Variants in KRT13 observed in about 807,000 individuals in gnomAD.
KRT13 encodes keratin, type I cytoskeletal 13.
Under a neutral mutation model 40.6 loss-of-function variants are expected in KRT13, and 27 were observed. That is an observed-to-expected ratio of 0.67 (90% CI 0.49 to 0.92). The LOEUF is 0.92. Among genes scored for constraint, KRT13 ranks in the 40% least tolerant of loss-of-function variants. The pLI is 0.00. For synonymous variants in KRT13, 266 were observed against 240.3 expected (o/e 1.11, Z -0.99); for missense variants, 605 against 611.5 (o/e 0.99, Z 0.11).
At chr17:41,503,838 C>A in intron 1 of KRT13, 113 bp from the exon 2 acceptor site, 1 of 783,478 alleles carries the variant, frequency 1.3e-6, no homozygotes, top group South Asian at 1.4e-5. Context: ...TACGCTAACA[C>A]TAACGATAGC....
chr17:41,502,017 G>C (rs555359627), intron 6 of KRT13: 1 of 1,416,570 alleles, frequency 7.1e-7, no homozygotes, highest in Non-Finnish European at 9.2e-7. Context: ...GCCCAAACCC[G>C]CAACCCTCCA....
rs756069072 is a variant in KRT13 at position 41,505,530 on chromosome 17, G to A, written c.21C>T (p.Ser7=). The A allele has an allele frequency of 4.3e-6, 7 of 1,614,268 alleles. No individual in the cohort carries two copies. In the East Asian group the frequency reaches 6.7e-5, roughly 15 times the overall value. ...AACCACCTCCATAGCTGGCAGAGGA[G>A]CTCTGCAGGCGGAGGCTCATGGTGA... MSLRLQ[S]SSASYGGGFG... is the part of the protein sequence containing the mutation. Residue 7 remains serine, a synonymous_variant, in exon 1 of 8, where the codon AGC becomes AGT. Coordinates refer to ENST00000246635, the MANE Select transcript of KRT13 (RefSeq NM_153490.3).
At chr17:41,501,542 A>G in intron 7 of KRT13, 177 bp downstream of exon 7, 1 of 1,205,986 alleles carries the variant, frequency 8.3e-7, no homozygotes, top group Non-Finnish European at 1.2e-6. Flanking sequence ...GGGCAGAGCC[A>G]TCAGTTTCAA....
At chr17:41,503,532 TA>T in intron 2 of KRT13, 89 bp from the exon 3 acceptor site, 1 of 1,543,424 alleles carries the variant, frequency 6.5e-7, no homozygotes, top group African/African-American at 1.4e-5. Flanking sequence ...GAGACTCCAG[TA>T]CTTCCAGACC....
chr17:41,502,987 C>A lies in KRT13; in HGVS notation c.847G>T (p.Ala283Ser). ...TCCCGGCGGTTCCTCTCTGCCATGG[C>A]CTCGTACTGCTCCCTCATCTCTGCC... ...VLAEMREQYE[A>S]MAERNRRDAE... is the part of the protein sequence containing the mutation. Residue 283 changes from alanine to serine, a missense_variant, in exon 4 of 8, where the codon GCC (alanine) becomes TCC (serine). Transcript: ENST00000246635. 1 of 1,614,224 alleles carries A rather than the reference C, an allele frequency of 6.2e-7. No individual in the cohort carries two copies. The highest frequency in any genetic ancestry group is 1.3e-5 in the African/African-American group (1 of 75,046).
intron 6 of KRT13, 69 bp from the exon 7 acceptor site, chr17:41,501,813 G>C: frequency 6.4e-7 from 1 of 1,561,438 alleles, no homozygotes; most frequent in Non-Finnish European, 8.7e-7. Flanking sequence ...TGTTCCTCTG[G>C]GGAAGTGCCT....
Position 41,502,383 on chromosome 17 carries a change from T to G in KRT13, c.1235A>C (p.Gln412Pro). 6.2e-7 allele frequency: 1 copy of G among 1,614,220 alleles called. No homozygotes were observed. Residue 412 changes from glutamine (Q) to proline (P), a missense_variant, in exon 6 of 8, where the codon CAG (glutamine) becomes CCG (proline). Coordinates refer to ENST00000246635, the MANE Select transcript of KRT13 (RefSeq NM_153490.3). ...GCTGGAGAGGACCTACTTGGCGTCC[T>G]GGCCCTCGAGCAGGCTGCGGTAGGT... is the stretch of plus-strand genomic sequence containing the variant. ...IATYRSLLEG[Q>P]DAKMIGFPSS...
chr17:41,503,273 C>T lies in KRT13; in HGVS notation c.735+14G>A, dbSNP rs1904933188. 3 of 1,614,040 alleles carry T rather than the reference C, an allele frequency of 1.9e-6. No individual in the cohort carries two copies. Among genetic ancestry groups the T allele is most frequent in the Admixed American group, 1.7e-5 (1 of 60,026 alleles). On this transcript the variant is annotated intron_variant, in intron 3 of 7. Transcript: ENST00000246635. The stretch of plus-strand genomic sequence containing the variant: ...AGGTTGTTGAGCCCAGGGCAGCCTG[C>T]AATTCCCGCTCACCTCTTCATGGTT...
chr17:41,502,262 A>T (rs902007287), intron 6 of KRT13, 112 bp downstream of exon 6: 2 of 1,607,718 alleles, frequency 1.2e-6, no homozygotes, highest in Non-Finnish European at 1.7e-6. Flanking sequence ...AAAGTCAGAC[A>T]GTGAGGGGTC....
Position 41,503,633 on chromosome 17 carries a change from A to G in KRT13, c.578+10T>C, listed in dbSNP as rs758378900. 3 of 1,613,082 alleles carry G rather than the reference A, an allele frequency of 1.9e-6. No homozygotes were observed. Among genetic ancestry groups the G allele is most frequent in the Middle Eastern group, 1.7e-4 (1 of 6,060 alleles). ...GGGAAAGGAGAGGGAGGGGGAAAAA[A>G]AAAACTCACTTGAGCCTGAAGTCGT... On this transcript the variant is annotated intron_variant, in intron 2 of 7. Transcript: ENST00000246635.
Position 41,502,609 on chromosome 17 carries a change from G to C in KRT13, c.1024-15C>G, listed in dbSNP as rs1204261857. On this transcript the variant is annotated splice_polypyrimidine_tract_variant and intron_variant, in intron 5 of 7. Transcript: ENST00000246635. ...AGCCCCGCTTTCTGGTGGAGCGACA[G>C]ACAAGAAGTTACAGAGGGAGCCAGG... is the stretch of plus-strand genomic sequence containing the variant. 3 of 1,613,190 alleles carry C rather than the reference G, an allele frequency of 1.9e-6. No homozygotes were observed. Among genetic ancestry groups the C allele is most frequent in the Non-Finnish European group, 2.5e-6 (3 of 1,180,034 alleles).
At position 41,505,291 on chromosome 17, in the gene KRT13, C is replaced by T; in HGVS notation, c.260G>A (p.Gly87Asp). ...ACAAGCACCAAAGTCAACAAAGCCA[C>T]CAGCAAAACCCCCACCAAAGCCACC... ...LGGGFGGGFA[G>D]GFVDFGACDG... Residue 87 changes from glycine (G) to aspartate (D), a missense_variant, in exon 1 of 8, where the codon GGT becomes GAT. Physicochemically the swap from Gly to Asp is moderately conservative, Grantham distance 94 (BLOSUM62 -1). Coordinates refer to ENST00000246635, the MANE Select transcript of KRT13 (RefSeq NM_153490.3). The T allele has an allele frequency of 6.2e-7, 1 of 1,614,170 alleles. No individual in the cohort carries two copies. Among genetic ancestry groups the T allele is most frequent in the South Asian group, 1.1e-5 (1 of 91,088 alleles).
In KRT13 at chr17:41,502,576, T is replaced by C; in HGVS notation, c.1042A>G (p.Thr348Ala). The C allele has an allele frequency of 6.2e-7, 1 of 1,613,710 alleles. No homozygotes were observed. The highest frequency in any genetic ancestry group is 1.3e-5 in the African/African-American group (1 of 75,056). ...QLSMKAGLEN[T>A]VAETECRYAL... ...TAGCGGCACTCCGTCTCTGCCACCGTGTTCTCCAGCCCCGCTTTCTGGTGG... is the reference window on the plus strand; with the variant it reads ...TAGCGGCACTCCGTCTCTGCCACCGCGTTCTCCAGCCCCGCTTTCTGGTGG... Residue 348 changes from threonine to alanine, a missense_variant, in exon 6 of 8, where the codon ACG becomes GCG. Thr to Ala is a moderately conservative substitution (Grantham distance 58). Coordinates refer to ENST00000246635, the MANE Select transcript of KRT13 (RefSeq NM_153490.3).
chr17:41,501,678 C>A, intron 7 of KRT13, 41 bp downstream of exon 7: 1 of 1,560,800 alleles, frequency 6.4e-7, no homozygotes, highest in Non-Finnish European at 8.7e-7. Context: ...GAATGGGAGG[C>A]TAACTCTGCC....
Position 41,504,959 on chromosome 17 carries a change from A to G in KRT13, c.495+97T>C, listed in dbSNP as rs957365147. On this transcript the variant is annotated intron_variant, in intron 1 of 7. Transcript: ENST00000246635. ...GCTTTTCCCCTGCAAGAAGTTTGTG[A>G]ATTCCGTCCACACCTAGTCCCCCAC... 5 of 1,434,072 alleles carry G rather than the reference A, an allele frequency of 3.5e-6. No individual in the cohort carries two copies. In the African/African-American group the frequency reaches 7.1e-5, roughly 20 times the overall value. 88.8% of individuals were successfully genotyped at this position (1,434,072 alleles called of 1,614,324 possible). A position where few individuals can be genotyped will look rare whatever the true frequency, so the allele number is the denominator to read the frequency against.
At chr17:41,503,469 T>C in intron 2 of KRT13, 26 bp from the exon 3 acceptor site, 1 of 1,613,566 alleles carries the variant, frequency 6.2e-7, no homozygotes, top group Non-Finnish European at 8.5e-7. Context: ...AATGAAATGT[T>C]TTTTGAAAAA....
In KRT13 at chr17:41,503,675, A is replaced by G; in HGVS notation, c.546T>C (p.Asn182=). 1 of 1,614,052 alleles carries G rather than the reference A, an allele frequency of 6.2e-7. No individual in the cohort carries two copies. The change falls in exon 2 of 8, where the codon AAT becomes AAC. Residue 182 remains asparagine, a synonymous_variant. Transcript: ENST00000246635. The stretch of plus-strand genomic sequence containing the variant: ...TGAAGTCGTCCGCAGCCAGCCTGGC[A>G]TTGTCAATCTCCAGGATGACCCGGT... ...ENNRVILEID[N]ARLAADDFRL...
rs1904865219 is a variant in KRT13 at position 41,501,894 on chromosome 17, C to A, written c.1245-150G>T. Reference sequence around the variant, plus strand: ...GCTGTGCCCCCAGCTCAAGGGACAGCAGCATCAGGTGCCCACTGGGACTGT... The same window carrying A: ...GCTGTGCCCCCAGCTCAAGGGACAGAAGCATCAGGTGCCCACTGGGACTGT... On this transcript the variant is annotated intron_variant, in intron 6 of 7. Coordinates refer to ENST00000246635, the MANE Select transcript of KRT13 (RefSeq NM_153490.3). The A allele has an allele frequency of 7.2e-6, 11 of 1,522,708 alleles. No individual in the cohort carries two copies. In the South Asian group the frequency reaches 1.4e-4, roughly 19 times the overall value. 94.3% of individuals were successfully genotyped at this position (1,522,708 alleles called of 1,614,324 possible).
Position 41,501,262 on chromosome 17 carries a change from C to G in KRT13, c.1371G>C (p.Arg457Ser). The G allele has an allele frequency of 1.3e-6, 2 of 1,560,550 alleles. No individual in the cohort carries two copies. Residue 457 changes from arginine (R) to serine (S), a missense_variant, in exon 8 of 8, where the codon AGG becomes AGC. Coordinates refer to ENST00000246635, the MANE Select transcript of KRT13 (RefSeq NM_153490.3). ...ASGRRTSDVR[R>S]P ...GAGGGGACGCCAGGCAGATTTAAGG[C>G]CTACGGACATCAGAAGTGCGGCGAC...
Sources: gnomAD v4.1 joint callset for allele counts on GRCh38, gnomAD v4.1.1 for gene constraint, MANE v1.5 for transcripts, NCBI Gene and HGNC (gene_info 2026-07-23, HGNC 2026-07-21) for gene names.